Variants in WDR44 observed in about 807,000 individuals in gnomAD.
WDR44 encodes WD repeat-containing protein 44.
Under a neutral mutation model 65.7 loss-of-function variants are expected in WDR44, and 9 were observed. That is an observed-to-expected ratio of 0.14 (90% CI 0.08 to 0.24). The LOEUF is 0.24. Ranked by LOEUF, WDR44 falls within the 10% of genes least tolerant of loss-of-function variation. The pLI is 1.00. For missense variants in WDR44, 425 were observed against 670.9 expected (o/e 0.63, Z 4.05); for synonymous variants, 220 against 235.2 (o/e 0.94, Z 0.59).
Position 118,449,025 on chromosome X carries a change from TC to T in WDR44, c.*39del. The stretch of plus-strand genomic sequence containing the variant: ...TTTAAAATAAACATATCAGTAAGTT[TC>T]TATATGTATCAAAACTGAAAAAATA... On this transcript the variant is annotated 3_prime_UTR_variant, in exon 20 of 20. Transcript: ENST00000254029. 1 of 923,867 alleles carries T rather than the reference TC, an allele frequency of 1.1e-6. No individual in the cohort carries two copies. Among genetic ancestry groups the T allele is most frequent in the Non-Finnish European group, 1.5e-6 (1 of 660,792 alleles). The allele number at this position is 923,867 out of a possible 1,213,427, so 76.1% of individuals were successfully genotyped here.
chrX:118,441,014 C>T (rs1324392856), intron 14 of WDR44, among the ~76,000 whole-genome samples: 3 of 81,271 alleles, frequency 3.7e-5, no homozygotes, highest in Non-Finnish European at 6.5e-5. Context: ...GGCTGGAGTA[C>T]AGTGGTGCGA....
intron 12 of WDR44, among the ~76,000 whole-genome samples, chrX:118,422,993 C>T (rs2057118219): frequency 9.0e-6 from 1 of 111,359 alleles, no homozygotes; most frequent in Non-Finnish European, 1.9e-5. Context: ...ACTATGTCTT[C>T]ATTCACTCTA....
intron 16 of WDR44, 100 bp downstream of exon 16, chrX:118,442,445 A>G (rs2057311478): frequency 1.1e-6 from 1 of 947,427 alleles, no homozygotes; most frequent in Non-Finnish European, 1.5e-6. Flanking sequence ...GTTGTGGAAT[A>G]CCGCTTTTCT....
chrX:118,354,087 GTTT>G (rs1179323490), intron 1 of WDR44, among the ~76,000 whole-genome samples: 1 of 110,652 alleles, frequency 9.0e-6, no homozygotes, highest in Non-Finnish European at 1.9e-5. Flanking sequence ...AACTAAAATA[GTTT>G]TAAATTATAA....
chrX:118,408,703 C>T (rs1326836840), intron 10 of WDR44, among the ~76,000 whole-genome samples: 1 of 111,774 alleles, frequency 8.9e-6, no homozygotes, highest in African/African-American at 3.2e-5. Flanking sequence ...CCGGCCCATT[C>T]CAAAACTGTA....
At chrX:118,402,458 A>AG (rs1556094191) in intron 8 of WDR44, among the ~76,000 whole-genome samples, 2,168 of 85,323 alleles carry the variant, frequency 0.025, 195 homozygotes, top group African/African-American at 0.11. Context: ...AAAAAAAAAA[A>AG]ACATTCAGGA....
At chrX:118,376,398 G>C (rs1303474254) in intron 1 of WDR44, among the ~76,000 whole-genome samples, 1 of 111,371 alleles carries the variant, frequency 9.0e-6, no homozygotes, top group Non-Finnish European at 1.9e-5. Flanking sequence ...TCTTCTCTTG[G>C]TTGTGCTCCA....
At chrX:118,448,406 T>C (rs761472074) in intron 19 of WDR44, among the ~76,000 whole-genome samples, 1 of 111,864 alleles carries the variant, frequency 8.9e-6, no homozygotes, top group Admixed American at 9.6e-5. Flanking sequence ...CTGTCAGCAT[T>C]CACACAGCAA....
At chrX:118,426,827 AAAAC>A (rs751719469) in intron 12 of WDR44, among the ~76,000 whole-genome samples, 4 of 112,250 alleles carry the variant, frequency 3.6e-5, no homozygotes, top group Non-Finnish European at 5.6e-5. Flanking sequence ...ACAAAAAACA[AAAAC>A]AAACCAAAAA....
intron 14 of WDR44, among the ~76,000 whole-genome samples, chrX:118,439,219 T>G (rs6646206): frequency 2.5e-4 from 28 of 110,003 alleles, no homozygotes; most frequent in Middle Eastern, 4.6e-3. Context: ...TGCCTTTTTT[T>G]GGGGGGGAAA....
chrX:118,384,998 G>C (rs1383122425), intron 2 of WDR44, among the ~76,000 whole-genome samples: 1 of 111,442 alleles, frequency 9.0e-6, no homozygotes, highest in African/African-American at 3.3e-5. Flanking sequence ...TAATGCTAGT[G>C]ATTTTTGCAC....
At chrX:118,396,113 G>T (rs2056863852) in intron 6 of WDR44, among the ~76,000 whole-genome samples, 1 of 111,337 alleles carries the variant, frequency 9.0e-6, no homozygotes, top group South Asian at 3.7e-4. Flanking sequence ...TATTTTAATG[G>T]TTTCTTATCA....
At chrX:118,438,542 C>T (rs1407954796) in intron 14 of WDR44, among the ~76,000 whole-genome samples, 1 of 110,877 alleles carries the variant, frequency 9.0e-6, no homozygotes, top group Non-Finnish European at 1.9e-5. Flanking sequence ...GGGTGATACT[C>T]CTGCCTCAGC....
chrX:118,438,730 C>T (rs2057275410), intron 14 of WDR44, among the ~76,000 whole-genome samples: 1 of 109,923 alleles, frequency 9.1e-6, no homozygotes, highest in South Asian at 3.9e-4. Context: ...AAAGCATGAA[C>T]CACTGCACCC....
intron 4 of WDR44, 101 bp from the exon 5 acceptor site, chrX:118,393,954 T>C: frequency 1.4e-6 from 1 of 724,416 alleles, no homozygotes; most frequent in Non-Finnish European, 2.1e-6. Context: ...ATGGTTTCCC[T>C]GTATAGGAAA....
chrX:118,434,288 C>A (rs1029075758), intron 13 of WDR44, among the ~76,000 whole-genome samples: 2 of 111,500 alleles, frequency 1.8e-5, no homozygotes, highest in African/African-American at 6.5e-5. Flanking sequence ...TATAAACCAC[C>A]TGGTCTTCCT....
chrX:118,366,289 C>T (rs1202212120), intron 1 of WDR44, among the ~76,000 whole-genome samples: 1 of 111,465 alleles, frequency 9.0e-6, no homozygotes, highest in African/African-American at 3.3e-5. Context: ...ATCTTGTCTC[C>T]GGTATTTTTT....
At chrX:118,362,917 T>C (rs750049756) in intron 1 of WDR44, among the ~76,000 whole-genome samples, 78 of 107,494 alleles carry the variant, frequency 7.3e-4, no homozygotes, top group African/African-American at 2.5e-3. Context: ...TTGCTAAATC[T>C]GGCAACCCTA....
chrX:118,443,523 A>G (rs1402240704), intron 17 of WDR44, 37 bp from the exon 18 acceptor site: 1 of 1,198,770 alleles, frequency 8.3e-7, no homozygotes, highest in Admixed American at 2.2e-5. Flanking sequence ...ATACACACAC[A>G]CATTTTATTT....
Sources: gnomAD v4.1 joint callset for allele counts (sites outside exome capture counted in the v4.1 genomes callset) on GRCh38, gnomAD v4.1.1 for gene constraint, MANE v1.5 for transcripts, NCBI Gene and HGNC (gene_info 2026-07-23, HGNC 2026-07-21) for gene names.